PTPRZ1: variants seen among roughly 807,000 people sequenced by gnomAD.
PTPRZ1 encodes protein tyrosine phosphatase receptor type Z1.
In PTPRZ1, 82 loss-of-function variants were observed where a neutral mutation model predicts 214.1. That is an observed-to-expected ratio of 0.38 (90% CI 0.32 to 0.46). The LOEUF (loss-of-function observed/expected upper bound fraction) is 0.46, where lower values mean the gene tolerates loss of function less well. Ranked by LOEUF, PTPRZ1 falls within the 20% of genes least tolerant of loss-of-function variation. The probability of loss-of-function intolerance (pLI) is 1.00; values close to 1 mark genes in which losing one functional copy is unlikely to be tolerated. For synonymous variants in PTPRZ1, 945 were observed against 987.9 expected (o/e 0.96, Z 0.81); for missense variants, 2,603 against 2,748.7 (o/e 0.95, Z 1.19).
chr7:121,932,323 T>C (rs1009481448), intron 2 of PTPRZ1, among the ~76,000 whole-genome samples: 20 of 152,234 alleles, frequency 1.3e-4, no homozygotes, highest in Non-Finnish European at 1.5e-5. Flanking sequence ...AGTTTGGTAG[T>C]ATTTTTTAAT....
chr7:121,904,649 A>G (rs1416256441), intron 1 of PTPRZ1, among the ~76,000 whole-genome samples: 1 of 152,242 alleles, frequency 6.6e-6, no homozygotes, highest in Non-Finnish European at 1.5e-5. Context: ...TATGGACCTT[A>G]TAATCAGAAG....
intron 6 of PTPRZ1, among the ~76,000 whole-genome samples, chr7:121,981,771 GGTGTGTGTGT>G (rs548092126): frequency 1.3e-5 from 2 of 149,146 alleles, no homozygotes; most frequent in Non-Finnish European, 3.0e-5. Context: ...CATATTTATT[GGTGTGTGTGT>G]GTGTGTGTGT....
At chr7:122,061,048 G>T (rs752355940) in intron 29 of PTPRZ1, 32 bp from the exon 30 acceptor site, 11 of 1,554,186 alleles carry the variant, frequency 7.1e-6, no homozygotes, top group Admixed American at 1.9e-5. Flanking sequence ...ACTGAGCTTC[G>T]CATTTATTAC....
At chr7:122,007,449 T>C (rs1304275701) in intron 11 of PTPRZ1, among the ~76,000 whole-genome samples, 1 of 152,154 alleles carries the variant, frequency 6.6e-6, no homozygotes, top group African/African-American at 2.4e-5. Context: ...AATTAACTAT[T>C]GTATTAATAA....
At chr7:122,014,370 A>G (rs933082098) in intron 12 of PTPRZ1, among the ~76,000 whole-genome samples, 11 of 152,130 alleles carry the variant, frequency 7.2e-5, no homozygotes, top group African/African-American at 2.2e-4. Context: ...ACACCCCTGT[A>G]GAAAGGAATT....
At position 122,059,654 on chromosome 7, in the gene PTPRZ1, T is replaced by C. The variant is rs1346559847; in HGVS notation, c.6672-99T>C. Reference sequence around the variant, plus strand: ...CAATTCATTAAAAGTTTCAGTGTTTTCACTGCAAAGTTGTCAAGGCTATAT... The same window carrying C: ...CAATTCATTAAAAGTTTCAGTGTTTCCACTGCAAAGTTGTCAAGGCTATAT... On this transcript the variant is annotated intron_variant, in intron 28 of 29. Transcript: ENST00000393386. 5 of 1,336,594 alleles carry C rather than the reference T, an allele frequency of 3.7e-6. No individual in the cohort carries two copies. In the Admixed American group the frequency reaches 1.3e-4, roughly 35 times the overall value. 82.8% of individuals were successfully genotyped at this position (1,336,594 alleles called of 1,614,324 possible).
chr7:121,903,922 G>T (rs1158120221), intron 1 of PTPRZ1, among the ~76,000 whole-genome samples: 1 of 150,298 alleles, frequency 6.7e-6, no homozygotes, highest in Non-Finnish European at 1.5e-5. Flanking sequence ...TTTGCTAAAA[G>T]TTAATCTGAA....
chr7:121,881,034 A>G (rs945498331), intron 1 of PTPRZ1, among the ~76,000 whole-genome samples: 51 of 152,210 alleles, frequency 3.4e-4, no homozygotes, highest in African/African-American at 1.1e-3. Flanking sequence ...TGTCCTCTCC[A>G]AAATTCATGT....
intron 1 of PTPRZ1, among the ~76,000 whole-genome samples, chr7:121,884,584 C>CT (rs1412455268): frequency 6.6e-6 from 1 of 152,200 alleles, no homozygotes; most frequent in African/African-American, 2.4e-5. Context: ...CCTGAATACA[C>CT]TGTCAGCCCT....
At chr7:121,912,286 G>A (rs1296989943) in intron 1 of PTPRZ1, among the ~76,000 whole-genome samples, 2 of 152,194 alleles carry the variant, frequency 1.3e-5, no homozygotes, top group Admixed American at 1.3e-4. Flanking sequence ...TAGCAGTCAA[G>A]TATGGGAAAC....
chr7:121,941,342 G>C (rs1796235493), intron 2 of PTPRZ1, among the ~76,000 whole-genome samples: 1 of 152,178 alleles, frequency 6.6e-6, no homozygotes, highest in Non-Finnish European at 1.5e-5. Context: ...TTTTTTGTTT[G>C]TTTGTTTTTG....
intron 2 of PTPRZ1, among the ~76,000 whole-genome samples, chr7:121,962,894 T>C (rs1796925078): frequency 6.6e-6 from 1 of 152,180 alleles, no homozygotes; most frequent in South Asian, 2.1e-4. Flanking sequence ...TTCACTAGTT[T>C]ATTTCCTTTG....
intron 22 of PTPRZ1, 113 bp downstream of exon 22, chr7:122,042,856 T>G (rs1405655641): frequency 1.7e-6 from 2 of 1,152,526 alleles, no homozygotes; most frequent in Non-Finnish European, 2.5e-6. Context: ...CTGGGTGGGT[T>G]AGAACAACAG....
At chr7:121,981,116 C>G (rs1797596656) in intron 6 of PTPRZ1, among the ~76,000 whole-genome samples, 1 of 149,432 alleles carries the variant, frequency 6.7e-6, no homozygotes, top group South Asian at 2.1e-4. Flanking sequence ...GCACTCCAGC[C>G]TGGGCGGCAG....
intron 1 of PTPRZ1, among the ~76,000 whole-genome samples, chr7:121,903,805 A>AT (rs965880967): frequency 6.6e-6 from 1 of 152,148 alleles, no homozygotes; most frequent in African/African-American, 2.4e-5. Flanking sequence ...ATTGTTGCTC[A>AT]TTTTTTGGTT....
intron 1 of PTPRZ1, among the ~76,000 whole-genome samples, chr7:121,890,647 T>TTCTC (rs1306648887): frequency 6.6e-6 from 1 of 152,036 alleles, no homozygotes; most frequent in East Asian, 1.9e-4. Flanking sequence ...CTCCTATTAT[T>TTCTC]TCTCTTTTTA....
intron 1 of PTPRZ1, among the ~76,000 whole-genome samples, chr7:121,905,684 G>A (rs960860375): frequency 6.1e-5 from 4 of 65,614 alleles, no homozygotes; most frequent in African/African-American, 2.5e-4. Context: ...CACAAATGGT[G>A]GGCATCTGTG....
At chr7:121,953,976 T>G (rs1584677586) in intron 2 of PTPRZ1, among the ~76,000 whole-genome samples, 1 of 152,190 alleles carries the variant, frequency 6.6e-6, no homozygotes, top group Non-Finnish European at 1.5e-5. Context: ...GTCATCAAAG[T>G]GATCATTCAT....
intron 13 of PTPRZ1, among the ~76,000 whole-genome samples, chr7:122,022,212 T>A (rs945718728): frequency 6.6e-6 from 1 of 152,144 alleles, no homozygotes; most frequent in Non-Finnish European, 1.5e-5. Context: ...AAAACTCACC[T>A]TTTTAAAGTG....
Sources: gnomAD v4.1 joint callset for allele counts (sites outside exome capture counted in the v4.1 genomes callset) on GRCh38, gnomAD v4.1.1 for gene constraint, MANE v1.5 for transcripts, NCBI Gene and HGNC (gene_info 2026-07-23, HGNC 2026-07-21) for gene names.